Variants in KAZN observed in about 807,000 individuals in gnomAD.
KAZN encodes kazrin, periplakin interacting protein, also known as kazrin.
Under a neutral mutation model 87.4 loss-of-function variants are expected in KAZN, and 40 were observed. The observed-to-expected ratio is 0.46, with a 90% confidence interval of 0.36 to 0.60. KAZN has a LOEUF of 0.60. Ranked by LOEUF, KAZN falls within the 20% of genes least tolerant of loss-of-function variation. KAZN has a pLI of 0.00. For synonymous variants in KAZN, 466 were observed against 458.3 expected (o/e 1.02, Z -0.22); for missense variants, 898 against 1,073.9 (o/e 0.84, Z 2.29).
intron 2 of KAZN, among the ~76,000 whole-genome samples, chr1:14,215,193 A>G (rs977751180): frequency 1.3e-5 from 2 of 152,232 alleles, no homozygotes; most frequent in South Asian, 2.1e-4. Flanking sequence ...CCTTCAGGAA[A>G]TTCTTCTAAT....
At chr1:14,885,160 A>G (rs1223605382) in intron 1 of KAZN, among the ~76,000 whole-genome samples, 2 of 152,168 alleles carry the variant, frequency 1.3e-5, no homozygotes, top group Non-Finnish European at 2.9e-5. Flanking sequence ...GTTCTCCTTC[A>G]TTAACCTGGA....
intron 1 of KAZN, among the ~76,000 whole-genome samples, chr1:14,730,070 G>T (rs560469140): frequency 6.6e-5 from 10 of 152,176 alleles, no homozygotes; most frequent in South Asian, 2.1e-4. Flanking sequence ...GAGTTTGCTG[G>T]TCCCTCTCAT....
chr1:14,902,955 C>T (rs1240032777), intron 1 of KAZN, among the ~76,000 whole-genome samples: 2 of 150,394 alleles, frequency 1.3e-5, no homozygotes, highest in Admixed American at 1.3e-4. Flanking sequence ...GCAACCTCCA[C>T]CTCCCAGGTT....
chr1:14,419,495 A>T (rs1408157052), intron 2 of KAZN, among the ~76,000 whole-genome samples: 1 of 152,148 alleles, frequency 6.6e-6, no homozygotes, highest in African/African-American at 2.4e-5. Flanking sequence ...TGGACTTACC[A>T]GAGTGTTAGG....
chr1:14,527,549 CAAAA>C (rs34649606), intron 2 of KAZN, among the ~76,000 whole-genome samples: 1 of 108,864 alleles, frequency 9.2e-6, no homozygotes, highest in Non-Finnish European at 1.9e-5. Flanking sequence ...ACTCTGTCTC[CAAAA>C]AAAAAAAAAA....
chr1:14,475,822 C>A lies in KAZN; in HGVS notation c.250-123161C>A, dbSNP rs576800397. Among the ~76,000 whole-genome samples, 17 of 151,690 alleles carry A rather than the reference C, an allele frequency of 1.1e-4. 1 individual carries two copies. The South Asian group carries it at 3.5e-3, about 31-fold the overall frequency. On this transcript the variant is annotated intron_variant, in intron 2 of 16. Coordinates refer to the KAZN transcript ENST00000636203. ...GAAAGCCCAATGGGCATCTTTTTTA[C>A]GCTAAATAATTTTGTGGGATTTTTT...
At chr1:14,126,539 A>G (rs1160354004) in intron 1 of KAZN, among the ~76,000 whole-genome samples, 1 of 152,170 alleles carries the variant, frequency 6.6e-6, no homozygotes, top group Non-Finnish European at 1.5e-5. Flanking sequence ...AGAGTGGTGC[A>G]TTTTAGCAAA....
intron 2 of KAZN, among the ~76,000 whole-genome samples, chr1:14,368,047 C>T (rs10927415): frequency 0.2 from 31,178 of 152,168 alleles, 3,736 homozygotes; most frequent in Middle Eastern, 0.32. Context: ...TCCTTACTTG[C>T]GAACGTGGGG....
intron 2 of KAZN, among the ~76,000 whole-genome samples, chr1:14,471,862 G>A (rs940189055): frequency 3.3e-5 from 5 of 152,200 alleles, no homozygotes; most frequent in Non-Finnish European, 7.3e-5. Context: ...CTAAAGACCC[G>A]TTTGAATTGT....
intron 2 of KAZN, among the ~76,000 whole-genome samples, chr1:14,562,277 A>C (rs1260082787): frequency 6.6e-6 from 1 of 152,224 alleles, no homozygotes; most frequent in Non-Finnish European, 1.5e-5. Flanking sequence ...TTCCAACAGC[A>C]AGGGAAGTGG....
intron 8 of KAZN, among the ~76,000 whole-genome samples, chr1:15,079,950 T>C (rs1216111892): frequency 1.3e-5 from 2 of 152,206 alleles, no homozygotes; most frequent in African/African-American, 4.8e-5. Context: ...TAACTATGTG[T>C]TTGTCTTCCC....
At chr1:15,109,943 T>G (rs111203777) in intron 13 of KAZN, among the ~76,000 whole-genome samples, 7 of 16,552 alleles carry the variant, frequency 4.2e-4, no homozygotes, top group African/African-American at 9.4e-4. Flanking sequence ...GTGTGTGTGT[T>G]TGTGTATGTG....
chr1:14,546,125 GA>G (rs1327501364), intron 2 of KAZN, among the ~76,000 whole-genome samples: 1 of 152,166 alleles, frequency 6.6e-6, no homozygotes, highest in African/African-American at 2.4e-5. Flanking sequence ...AGGTTCCTGT[GA>G]TTGAAATCAG....
intron 2 of KAZN, among the ~76,000 whole-genome samples, chr1:14,571,879 G>A (rs1036009783): frequency 9.2e-5 from 14 of 152,192 alleles, no homozygotes; most frequent in Non-Finnish European, 1.9e-4. Context: ...AGAGTGGGCT[G>A]ACAGTGAGGG....
At position 15,112,517 on chromosome 1, in the gene KAZN, C is replaced by G; in HGVS notation, c.2139C>G (p.Ser713Arg). 1.2e-6 allele frequency: 2 copies of G among 1,605,160 alleles called. No individual in the cohort carries two copies. Among genetic ancestry groups the G allele is most frequent in the Non-Finnish European group, 1.7e-6 (2 of 1,176,524 alleles). ...GGGCAGGAAAGGAGGAGAACAGCAG[C>G]GGTCTCAAGTACAAGGCTGGCCGGG... is the stretch of plus-strand genomic sequence containing the variant. ...VTRAGKEENS[S>R]GLKYKAGRLP... The change falls in exon 14 of 15, where the codon AGC (serine) becomes AGG (arginine). Residue 713 changes from serine (S) to arginine (R), a missense_variant. Around this residue, in one of 3 missense-constraint regions of KAZN, gnomAD observed 127 missense variants for 121.5 expected, o/e 1.04. Transcript: ENST00000376030.
chr1:14,036,692 T>C (rs901982932), intron 1 of KAZN, among the ~76,000 whole-genome samples: 3 of 151,824 alleles, frequency 2.0e-5, no homozygotes, highest in African/African-American at 7.3e-5. Flanking sequence ...AGAATAGGAG[T>C]AAAACAGGTA....
intron 1 of KAZN, among the ~76,000 whole-genome samples, chr1:14,824,678 G>A (rs905530989): frequency 6.6e-6 from 1 of 152,200 alleles, no homozygotes; most frequent in Non-Finnish European, 1.5e-5. Flanking sequence ...TGCTATTTAT[G>A]TTACTGTGAT....
At chr1:13,894,275 A>G (rs968662158) in intron 1 of KAZN, among the ~76,000 whole-genome samples, 1 of 152,186 alleles carries the variant, frequency 6.6e-6, no homozygotes, top group African/African-American at 2.4e-5. Context: ...GGGATTCCTC[A>G]TTAGTCTGTG....
chr1:14,187,932 C>T (rs563584620), intron 2 of KAZN, among the ~76,000 whole-genome samples: 1 of 152,228 alleles, frequency 6.6e-6, no homozygotes, highest in South Asian at 2.1e-4. Context: ...TTCTATTGAG[C>T]ATCTGTTATG....
Sources: gnomAD v4.1 joint callset for allele counts (sites outside exome capture counted in the v4.1 genomes callset) on GRCh38, gnomAD v4.1.1 for gene constraint, gnomAD v4.1.1 regional missense constraint, MANE v1.5 for transcripts, NCBI Gene and HGNC (gene_info 2026-07-23, HGNC 2026-07-21) for gene names.